SPATS2: variants seen among roughly 807,000 people sequenced by gnomAD.
SPATS2 encodes spermatogenesis-associated serine-rich protein 2.
A neutral mutation model predicts 63.7 loss-of-function variants in SPATS2; 38 were observed. The observed-to-expected ratio is 0.60, with a 90% CI of 0.46 to 0.78. The LOEUF (loss-of-function observed/expected upper bound fraction) is 0.78, where lower values mean the gene tolerates loss of function less well. SPATS2 is among the 30% of genes least tolerant of loss of function. The pLI is 0.00. For synonymous variants in SPATS2, 207 were observed against 232.9 expected, an observed-to-expected ratio of 0.89 and a Z score of 1.01; for missense variants, 588 against 666.2, an observed-to-expected ratio of 0.88 and a Z score of 1.29.
intron 2 of SPATS2, among the ~76,000 whole-genome samples, chr12:49,377,513 A>G (rs1944129973): frequency 6.6e-6 from 1 of 152,218 alleles, no homozygotes; most frequent in African/African-American, 2.4e-5. Context: ...TTCATTGGGC[A>G]GTAAAGCTGA....
At chr12:49,449,494 G>A (rs963995776) in intron 2 of SPATS2, among the ~76,000 whole-genome samples, 19 of 152,280 alleles carry the variant, frequency 1.2e-4, no homozygotes, top group East Asian at 9.6e-4. Flanking sequence ...GATTACAGGC[G>A]TGAGCCACCG....
At chr12:49,409,720 A>G (rs1277041171) in intron 2 of SPATS2, among the ~76,000 whole-genome samples, 1 of 147,348 alleles carries the variant, frequency 6.8e-6, no homozygotes, top group Non-Finnish European at 1.5e-5. Context: ...CTCCTGCCTC[A>G]GCCTCCCGAG....
intron 2 of SPATS2, among the ~76,000 whole-genome samples, chr12:49,435,664 T>A (rs928772156): frequency 7.1e-5 from 10 of 141,216 alleles, no homozygotes; most frequent in East Asian, 2.0e-4. Flanking sequence ...TTTTTTTTTT[T>A]AATTGATCAT....
At chr12:49,517,458 G>T (rs1030362434) in intron 10 of SPATS2, among the ~76,000 whole-genome samples, 3 of 152,150 alleles carry the variant, frequency 2.0e-5, no homozygotes, top group Non-Finnish European at 4.4e-5. Flanking sequence ...TGTGTTACAG[G>T]ATTCTATGTA....
intron 9 of SPATS2, among the ~76,000 whole-genome samples, chr12:49,506,880 A>C (rs1946663417): frequency 6.6e-6 from 1 of 151,794 alleles, no homozygotes; most frequent in Non-Finnish European, 1.5e-5. Flanking sequence ...GTTTATTGGG[A>C]CATAACCCCA....
chr12:49,513,210 A>AGTGTGTGT (rs71860115), intron 9 of SPATS2, among the ~76,000 whole-genome samples: 61 of 148,120 alleles, frequency 4.1e-4, no homozygotes, highest in Middle Eastern at 3.4e-3. Flanking sequence ...AGAGAGAAAG[A>AGTGTGTGT]GTGTGTGTGT....
At chr12:49,402,859 T>C in intron 2 of SPATS2, among the ~76,000 whole-genome samples, 1 of 151,884 alleles carries the variant, frequency 6.6e-6, no homozygotes, top group Non-Finnish European at 1.5e-5. Flanking sequence ...GGTATAAGAG[T>C]GTGAGAGAGA....
chr12:49,525,593 C>T (rs768460575), intron 13 of SPATS2, among the ~76,000 whole-genome samples: 1 of 152,112 alleles, frequency 6.6e-6, no homozygotes, highest in African/African-American at 2.4e-5. Flanking sequence ...TTATCTTTAC[C>T]AATGGCCTTT....
intron 2 of SPATS2, among the ~76,000 whole-genome samples, chr12:49,388,408 C>A (rs1944358505): frequency 1.3e-5 from 2 of 151,712 alleles, no homozygotes; most frequent in Non-Finnish European, 2.9e-5. Flanking sequence ...GGGTCTCTCT[C>A]TGTCACCCTG....
chr12:49,434,083 G>A (rs530816799), intron 2 of SPATS2, among the ~76,000 whole-genome samples: 1 of 152,138 alleles, frequency 6.6e-6, no homozygotes, highest in African/African-American at 2.4e-5. Context: ...AAGATCTTTT[G>A]ACCATATATG....
chr12:49,510,602 A>G (rs184708965), intron 9 of SPATS2, among the ~76,000 whole-genome samples: 1 of 151,926 alleles, frequency 6.6e-6, no homozygotes, highest in African/African-American at 2.4e-5. Context: ...TTGAGCAAAT[A>G]AAATTGTGTA....
At chr12:49,496,757 G>T in intron 7 of SPATS2, 76 bp from the exon 8 acceptor site, 1 of 1,481,240 alleles carries the variant, frequency 6.8e-7, no homozygotes, top group Admixed American at 2.1e-5. Context: ...ATTTTTACCT[G>T]TTTTCTTTGT....
chr12:49,429,773 T>TC (rs1945146967), intron 2 of SPATS2, among the ~76,000 whole-genome samples: 1 of 136,192 alleles, frequency 7.3e-6, no homozygotes, highest in African/African-American at 3.0e-5. Flanking sequence ...TAGGTCTTTC[T>TC]CTTCTTCTTC....
chr12:49,435,756 G>C (rs947681330), intron 2 of SPATS2, among the ~76,000 whole-genome samples: 2 of 149,666 alleles, frequency 1.3e-5, no homozygotes, highest in African/African-American at 2.5e-5. Flanking sequence ...AGTGAACAAA[G>C]GTCTCTGGTT....
At chr12:49,412,567 T>A (rs1397644536) in intron 2 of SPATS2, among the ~76,000 whole-genome samples, 2 of 152,012 alleles carry the variant, frequency 1.3e-5, no homozygotes, top group African/African-American at 4.8e-5. Flanking sequence ...CCATTGATTA[T>A]GTGTGTGTGT....
intron 2 of SPATS2, among the ~76,000 whole-genome samples, chr12:49,413,978 A>G (rs2137376442): frequency 6.6e-6 from 1 of 152,328 alleles, no homozygotes; most frequent in Admixed American, 6.5e-5. Flanking sequence ...GATCAGCCCT[A>G]CTGCCTAGGA....
At chr12:49,430,488 T>A (rs1482350210) in intron 2 of SPATS2, among the ~76,000 whole-genome samples, 2 of 152,092 alleles carry the variant, frequency 1.3e-5, no homozygotes, top group African/African-American at 4.8e-5. Flanking sequence ...GTGACTTTCT[T>A]ATAATTAAAA....
intron 2 of SPATS2, among the ~76,000 whole-genome samples, chr12:49,378,390 C>T (rs532850421): frequency 4.6e-5 from 7 of 151,020 alleles, no homozygotes; most frequent in South Asian, 4.2e-4. Context: ...CTCCGCCTCC[C>T]GGGATCAAGC....
At chr12:49,389,754 C>G in intron 2 of SPATS2, 2 of 1,488,528 alleles carry the variant, frequency 1.3e-6, no homozygotes, top group South Asian at 2.3e-5. Flanking sequence ...CAGAGAATTG[C>G]AACAAGAAAG....
Sources: allele counts gnomAD v4.1 joint callset (sites outside exome capture counted in the v4.1 genomes callset), GRCh38; gene constraint gnomAD v4.1.1; transcripts MANE v1.5; gene names NCBI Gene and HGNC (gene_info 2026-07-23, HGNC 2026-07-21).